TSPAN9: variants seen among roughly 807,000 people sequenced by gnomAD.
TSPAN9 encodes the protein tetraspanin-9.
TSPAN9 carries 16 observed loss-of-function variants against 31.0 expected under a neutral mutation model. The ratio of observed to expected loss-of-function variants is 0.52; its 90% CI spans 0.35 to 0.78. The LOEUF (loss-of-function observed/expected upper bound fraction) is 0.78. TSPAN9 is among the 30% of genes least tolerant of loss of function. The pLI is 0.01. For missense variants in TSPAN9, 272 were observed against 312.5 expected (o/e 0.87, Z 0.98); for synonymous variants, 145 against 121.6 (o/e 1.19, Z -1.27).
In TSPAN9 at chr12:3,279,085, G is replaced by A. The variant is rs1424651164; in HGVS notation, c.330+19G>A. ...GGACAAGGTAAGCCTTACCAGATGG[G>A]AGGGGGCATATGGAATGTCACTGCC... On this transcript the variant is annotated intron_variant, in intron 5 of 8. Coordinates refer to ENST00000011898, the MANE Select transcript of TSPAN9 (RefSeq NM_006675.5). 3 of 1,611,148 alleles carry A rather than the reference G, an allele frequency of 1.9e-6. No individual in the cohort carries two copies. The highest frequency in any genetic ancestry group is 2.2e-5 in the South Asian group (2 of 91,010).
At chr12:3,247,228 C>T (rs1344868789) in intron 3 of TSPAN9, among the ~76,000 whole-genome samples, 2 of 149,310 alleles carry the variant, frequency 1.3e-5, no homozygotes, top group South Asian at 2.1e-4. Flanking sequence ...GCCCATGAAA[C>T]TTACTAAAGG....
intron 1 of TSPAN9, among the ~76,000 whole-genome samples, chr12:3,081,616 T>G (rs909168838): frequency 3.9e-5 from 6 of 152,026 alleles, no homozygotes; most frequent in African/African-American, 1.4e-4. Flanking sequence ...CTTTATATAC[T>G]TCCTTGGGTG....
Position 3,201,160 on chromosome 12 carries a change from C to A in TSPAN9, c.-17-17C>A. 6.2e-7 allele frequency: 1 copy of A among 1,609,430 alleles called. No individual in the cohort carries two copies. The highest frequency in any genetic ancestry group is 2.2e-5 in the East Asian group (1 of 44,846). On this transcript the variant is annotated splice_polypyrimidine_tract_variant and intron_variant, in intron 2 of 8. Coordinates refer to ENST00000011898, the MANE Select transcript of TSPAN9 (RefSeq NM_006675.5). ...ACGTGGTGTTTTACCTGGACCTGTC[C>A]TTTGTGTTCCTCCTAGAATTTAAGA...
chr12:3,115,848 TGTTTAAA>T (rs1469487039), intron 2 of TSPAN9, among the ~76,000 whole-genome samples: 1 of 152,246 alleles, frequency 6.6e-6, no homozygotes, highest in Non-Finnish European at 1.5e-5. Context: ...TGTGTTGAAC[TGTTTAAA>T]GACTTCCAGA....
chr12:3,148,130 C>T (rs2098338165), intron 2 of TSPAN9, among the ~76,000 whole-genome samples: 1 of 152,106 alleles, frequency 6.6e-6, no homozygotes, highest in Admixed American at 6.5e-5. Context: ...GGGCCATTGG[C>T]TAAAGCACTG....
chr12:3,264,148 TG>T (rs1415978762), intron 3 of TSPAN9, among the ~76,000 whole-genome samples: 1 of 152,080 alleles, frequency 6.6e-6, no homozygotes, highest in Non-Finnish European at 1.5e-5. Flanking sequence ...CTGTGACACT[TG>T]GCTCACCCGC....
At chr12:3,229,709 A>G (rs1217666962) in intron 3 of TSPAN9, among the ~76,000 whole-genome samples, 1 of 152,220 alleles carries the variant, frequency 6.6e-6, no homozygotes, top group Admixed American at 6.5e-5. Flanking sequence ...TGCTGAACCC[A>G]GAGTGAGAGG....
chr12:3,089,347 A>C (rs1419246635), intron 2 of TSPAN9, among the ~76,000 whole-genome samples: 3 of 132,942 alleles, frequency 2.3e-5, no homozygotes, highest in Admixed American at 1.6e-4. Context: ...CCCAGGCTGG[A>C]GTGCAGTGGC....
intron 3 of TSPAN9, among the ~76,000 whole-genome samples, chr12:3,235,531 CCCACT>C (rs1277147588): frequency 6.6e-6 from 1 of 151,984 alleles, no homozygotes; most frequent in African/African-American, 2.4e-5. Flanking sequence ...TGTGAAAGTT[CCCACT>C]TCCCTTGAGT....
At chr12:3,110,678 T>C (rs12099765) in intron 2 of TSPAN9, among the ~76,000 whole-genome samples, 73 of 152,262 alleles carry the variant, frequency 4.8e-4, no homozygotes, top group Non-Finnish European at 9.1e-4. Flanking sequence ...AGTGAACACA[T>C]GAATGAATTG....
At chr12:3,202,640 T>A (rs1479963549) in intron 3 of TSPAN9, among the ~76,000 whole-genome samples, 1 of 152,112 alleles carries the variant, frequency 6.6e-6, no homozygotes, top group African/African-American at 2.4e-5. Context: ...ACATGCCATC[T>A]GGGGTGGGGG....
At position 3,149,241 on chromosome 12, in the gene TSPAN9, G is replaced by C. The variant is rs956385734; in HGVS notation, c.-17-51936G>C. Among the ~76,000 whole-genome samples the C allele has an allele frequency of 4.6e-5, 7 of 152,164 alleles. No homozygotes were observed. The East Asian group carries it at 1.3e-3, about 29-fold the overall frequency. On this transcript the variant is annotated intron_variant, in intron 2 of 8. Coordinates refer to ENST00000011898, the MANE Select transcript of TSPAN9 (RefSeq NM_006675.5). ...GGGTCTTTGTTTCTTCCGGCTTACT[G>C]GTTTGATGATGGTCAGGCCCTGTGT... is the stretch of plus-strand genomic sequence containing the variant.
In TSPAN9 at chr12:3,207,164, G is replaced by A. The variant is rs117716497; in HGVS notation, c.63+5908G>A. 1.5e-3 allele frequency among the ~76,000 whole-genome samples: 228 copies of A among 152,156 alleles called. 3 individuals carry two copies. In the East Asian group the frequency reaches 0.028, roughly 19 times the overall value. On this transcript the variant is annotated intron_variant, in intron 3 of 8. Coordinates refer to ENST00000011898, the MANE Select transcript of TSPAN9 (RefSeq NM_006675.5). Reference sequence around the variant, plus strand: ...GTGCCTGGGGATGCTGGCTTTCCAGGGCTCCTAGGACAGGGTTGTTTTGTT... The same window carrying A: ...GTGCCTGGGGATGCTGGCTTTCCAGAGCTCCTAGGACAGGGTTGTTTTGTT...
At chr12:3,206,440 G>A (rs1228012073) in intron 3 of TSPAN9, 1 of 442,708 alleles carries the variant, frequency 2.3e-6, no homozygotes, top group Admixed American at 2.4e-5. Context: ...CTAGGGTGAG[G>A]CAGCAGCAGG....
At chr12:3,256,539 C>T (rs746089957) in intron 3 of TSPAN9, among the ~76,000 whole-genome samples, 3 of 152,196 alleles carry the variant, frequency 2.0e-5, no homozygotes, top group Non-Finnish European at 4.4e-5. Context: ...CTAGCGTAAT[C>T]GTCGATTTCG....
Position 3,128,981 on chromosome 12 carries a change from A to G in TSPAN9, c.-18+45262A>G, listed in dbSNP as rs539750938. Among the ~76,000 whole-genome samples, 3 of 152,264 alleles carry G rather than the reference A, an allele frequency of 2.0e-5. No individual in the cohort carries two copies. In the South Asian group the frequency reaches 6.2e-4, roughly 32 times the overall value. ...CATCCATTTTCTGGCTATGAATTGG[A>G]TTATTCCAGGTACCTCATGTAAGTG... is the stretch of plus-strand genomic sequence containing the variant. On this transcript the variant is annotated intron_variant, in intron 2 of 8. Coordinates refer to ENST00000011898, the MANE Select transcript of TSPAN9 (RefSeq NM_006675.5).
intron 3 of TSPAN9, among the ~76,000 whole-genome samples, chr12:3,209,326 A>T (rs1423681700): frequency 6.6e-6 from 1 of 152,050 alleles, no homozygotes; most frequent in Non-Finnish European, 1.5e-5. Flanking sequence ...ACACCTTTCC[A>T]TGGCTCTTGG....
At chr12:3,242,472 C>T (rs181763509) in intron 3 of TSPAN9, among the ~76,000 whole-genome samples, 247 of 152,362 alleles carry the variant, frequency 1.6e-3, no homozygotes, top group Middle Eastern at 3.4e-3. Flanking sequence ...TGTGACACGG[C>T]CAGTCCAAGC....
At chr12:3,240,513 C>T (rs555734589) in intron 3 of TSPAN9, among the ~76,000 whole-genome samples, 17 of 152,314 alleles carry the variant, frequency 1.1e-4, no homozygotes, top group Non-Finnish European at 2.2e-4. Flanking sequence ...GGTCTGGTGA[C>T]GTGCTCGAGC....
Sources: allele counts gnomAD v4.1 joint callset (sites outside exome capture counted in the v4.1 genomes callset), GRCh38; gene constraint gnomAD v4.1.1; transcripts MANE v1.5; gene names NCBI Gene and HGNC (gene_info 2026-07-23, HGNC 2026-07-21).